WARS1: variants seen among roughly 807,000 people sequenced by gnomAD.
The protein encoded by WARS1 is tryptophan--tRNA ligase, cytoplasmic.
Under a neutral mutation model 47.8 loss-of-function variants are expected in WARS1, and 17 were observed. The ratio of observed to expected loss-of-function variants is 0.36; its 90% confidence interval spans 0.24 to 0.53. The LOEUF is 0.53. WARS1 is among the 20% of genes least tolerant of loss of function. The probability of loss-of-function intolerance (pLI) is 0.91; values close to 1 mark genes in which losing one functional copy is unlikely to be tolerated. For synonymous variants in WARS1, 208 were observed against 228.1 expected, an observed-to-expected ratio of 0.91 and a Z score of 0.79; for missense variants, 434 against 608.0, an observed-to-expected ratio of 0.71 and a Z score of 3.01.
chr14:100,363,941 G>GA (rs1895802046), intron 2 of WARS1, among the ~76,000 whole-genome samples: 1 of 151,732 alleles, frequency 6.6e-6, no homozygotes, highest in South Asian at 2.1e-4. Flanking sequence ...CTGATGTTCA[G>GA]AAAAAAAAGC....
chr14:100,363,325 C>A (rs1000182914), intron 2 of WARS1, among the ~76,000 whole-genome samples: 1 of 152,094 alleles, frequency 6.6e-6, no homozygotes, highest in Non-Finnish European at 1.5e-5. Context: ...CAAAATAAGA[C>A]AAGCAGGCTT....
intron 4 of WARS1, among the ~76,000 whole-genome samples, chr14:100,356,397 G>C (rs1299721300): frequency 9.5e-5 from 8 of 84,484 alleles, no homozygotes; most frequent in Admixed American, 2.2e-4. Context: ...GTGTGTGTGT[G>C]TGGGGGGGGG....
intron 1 of WARS1, among the ~76,000 whole-genome samples, chr14:100,371,727 T>G (rs1427361308): frequency 6.6e-6 from 1 of 152,038 alleles, no homozygotes; most frequent in East Asian, 1.9e-4. Flanking sequence ...AGAGAGAGAC[T>G]CTGTCTCAAA....
intron 7 of WARS1, among the ~76,000 whole-genome samples, chr14:100,344,959 AG>A (rs1252128524): frequency 6.7e-6 from 1 of 148,280 alleles, no homozygotes; most frequent in Admixed American, 6.7e-5. Flanking sequence ...GTGGGGGGTC[AG>A]CCCCCCGCCC....
At chr14:100,343,774 A>T (rs1221715086) in intron 7 of WARS1, among the ~76,000 whole-genome samples, 1 of 151,924 alleles carries the variant, frequency 6.6e-6, no homozygotes, top group African/African-American at 2.4e-5. Flanking sequence ...AGTAGCTGGG[A>T]CTACAGGTGC....
intron 10 of WARS1, chr14:100,336,722 GAA>G (rs560481717): frequency 4.8e-4 from 93 of 195,104 alleles, no homozygotes; most frequent in South Asian, 4.1e-3. Flanking sequence ...CATAATCACT[GAA>G]AATAGTCAAT....
intron 5 of WARS1, 33 bp downstream of exon 5, chr14:100,354,414 A>C (rs1895184118): frequency 2.5e-6 from 4 of 1,602,472 alleles, no homozygotes; most frequent in Non-Finnish European, 3.4e-6. Flanking sequence ...ATTCACTAAG[A>C]GAGTAAGAAA....
chr14:100,366,207 C>T, intron 2 of WARS1: 1 of 428,336 alleles, frequency 2.3e-6, no homozygotes, highest in Non-Finnish European at 4.7e-6. Context: ...CCCTTCTCTC[C>T]CACTCAGCCG....
intron 9 of WARS1, chr14:100,340,062 T>C (rs1894057759): frequency 1.3e-5 from 2 of 152,174 alleles, no homozygotes; most frequent in Non-Finnish European, 2.9e-5. Context: ...GTCTCTATCT[T>C]ACAGGTGAAG....
intron 6 of WARS1, among the ~76,000 whole-genome samples, chr14:100,348,627 G>A (rs2139972685): frequency 6.6e-6 from 1 of 152,286 alleles, no homozygotes; most frequent in Admixed American, 6.5e-5. Flanking sequence ...GGCAGGGAGG[G>A]TCCCTCCTGG....
Position 100,353,881 on chromosome 14 carries a change from CA to C in WARS1, c.543-13del, listed in dbSNP as rs1228578542. On this transcript the variant is annotated splice_polypyrimidine_tract_variant and intron_variant, in intron 5 of 10. Transcript: ENST00000392882. ...CATCCTGGAGCCACCTAAAGAAACA[CA>C]GGGGGAGAAAGCTGACGTCTCATCT... The C allele has an allele frequency of 1.9e-6, 3 of 1,610,834 alleles. No homozygotes were observed. The highest frequency in any genetic ancestry group is 1.3e-5 in the African/African-American group (1 of 74,874).
At position 100,344,721 on chromosome 14, in the gene WARS1, G is replaced by A. The variant is rs557188201; in HGVS notation, c.827-1334C>T. On this transcript the variant is annotated intron_variant, in intron 7 of 10. Transcript: ENST00000392882. The stretch of plus-strand genomic sequence containing the variant: ...GCCCATCGTCTGAGATGTGGGGAGC[G>A]CCTCTGCCCCGCCGCCCCGTCTGGG... 1.1e-4 allele frequency among the ~76,000 whole-genome samples: 16 copies of A among 149,494 alleles called. No individual in the cohort carries two copies. The South Asian group carries it at 3.4e-3, about 32-fold the overall frequency.
intron 9 of WARS1, among the ~76,000 whole-genome samples, chr14:100,337,764 G>A (rs963203754): frequency 6.6e-6 from 1 of 151,818 alleles, no homozygotes; most frequent in Non-Finnish European, 1.5e-5. Context: ...AGGCTGAGGT[G>A]GAAGGATCGC....
chr14:100,361,782 G>C lies in WARS1; in HGVS notation c.239C>G (p.Ala80Gly), dbSNP rs1186312286. The C allele has an allele frequency of 6.2e-6, 10 of 1,614,158 alleles. No individual in the cohort carries two copies. The highest frequency in any genetic ancestry group is 8.5e-6 in the Non-Finnish European group (10 of 1,180,032). Residue 80 changes from alanine (A) to glycine (G), a missense_variant, in exon 3 of 11, where the codon GCT (alanine) becomes GGT (glycine). Coordinates refer to ENST00000392882, the MANE Select transcript of WARS1 (RefSeq NM_004184.4). Reference protein sequence around the residue: ...TSNHGPDATEAEEDFVDPWTV... With the variant: ...TSNHGPDATEGEEDFVDPWTV... ...CCATGGGTCCACAAAATCCTCTTCA[G>C]CTTCTGTGGCATCTGGGCCATGATT...
At chr14:100,361,993 G>A in intron 2 of WARS1, 72 bp from the exon 3 acceptor site, 1 of 1,490,926 alleles carries the variant, frequency 6.7e-7, no homozygotes. Context: ...CCTATTCTGT[G>A]GCAGGCACTG....
rs536024717 is a variant in WARS1, at chr14:100,334,185, C to T, written c.*690G>A. 4 of 152,744 alleles carry T rather than the reference C, an allele frequency of 2.6e-5. No homozygotes were observed. The highest frequency in any genetic ancestry group is 1.9e-4 in the East Asian group (1 of 5,190). 9.5% of individuals were successfully genotyped at this position (152,744 alleles called of 1,614,324 possible). ...GAGAACACTGGTGTGCCAAGGGAAG[C>T]GAGCATGATTTCTGGAGTGGACTAC... On this transcript the variant is annotated 3_prime_UTR_variant, in exon 11 of 11. Transcript: ENST00000392882.
chr14:100,352,114 T>C (rs1461174617), intron 6 of WARS1, among the ~76,000 whole-genome samples: 4 of 129,108 alleles, frequency 3.1e-5, no homozygotes, highest in Non-Finnish European at 6.5e-5. Context: ...CTTTCTTTTT[T>C]TTTTTTTTTT....
In WARS1 at chr14:100,344,855, C is replaced by T. The variant is rs1341786499; in HGVS notation, c.827-1468G>A. On this transcript the variant is annotated intron_variant, in intron 7 of 10. Coordinates refer to ENST00000392882, the MANE Select transcript of WARS1 (RefSeq NM_004184.4). The stretch of plus-strand genomic sequence containing the variant: ...GGAGACCCTCCGCCCGGCAACCGCC[C>T]GCCTGAGAAGTGAGGAGCCCCTCCA... 7.9e-5 allele frequency among the ~76,000 whole-genome samples: 12 copies of T among 151,682 alleles called. No individual in the cohort carries two copies. In the East Asian group the frequency reaches 1.8e-3, roughly 22 times the overall value.
chr14:100,367,015 A>G (rs1896039687), intron 2 of WARS1: 5 of 945,056 alleles, frequency 5.3e-6, no homozygotes, highest in Admixed American at 2.6e-5. Context: ...CCCTTACAGA[A>G]TATTAGTAAG....
Sources: gnomAD v4.1 joint callset for allele counts (sites outside exome capture counted in the v4.1 genomes callset) on GRCh38, gnomAD v4.1.1 for gene constraint, MANE v1.5 for transcripts, NCBI Gene and HGNC (gene_info 2026-07-23, HGNC 2026-07-21) for gene names.